Variants in PIP5K1B observed in about 807,000 individuals in gnomAD.
PIP5K1B encodes the protein phosphatidylinositol 4-phosphate 5-kinase type-1 beta.
Under a neutral mutation model 67.0 loss-of-function variants are expected in PIP5K1B, and 42 were observed. The ratio of observed to expected loss-of-function variants is 0.63; its 90% CI spans 0.49 to 0.81. The LOEUF is 0.81. PIP5K1B is among the 30% of genes least tolerant of loss of function. The pLI is 0.00. For missense variants in PIP5K1B, 459 were observed against 646.3 expected (o/e 0.71, Z 3.14); for synonymous variants, 214 against 231.4 (o/e 0.92, Z 0.68).
intron 15 of PIP5K1B, among the ~76,000 whole-genome samples, chr9:68,991,969 ATT>A (rs112540371): frequency 3.3e-5 from 5 of 150,408 alleles, no homozygotes; most frequent in Non-Finnish European, 7.4e-5. Context: ...ACAAAAAAAA[ATT>A]TTTTTTGGGG....
At chr9:68,746,122 A>G (rs1421870645) in intron 2 of PIP5K1B, among the ~76,000 whole-genome samples, 2 of 129,730 alleles carry the variant, frequency 1.5e-5, no homozygotes, top group South Asian at 4.7e-4. Flanking sequence ...TCTGTCACCC[A>G]GGCTGGAGTG....
At chr9:68,991,527 G>GT (rs2132958586) in intron 15 of PIP5K1B, among the ~76,000 whole-genome samples, 1 of 152,346 alleles carries the variant, frequency 6.6e-6, no homozygotes, top group African/African-American at 2.4e-5. Context: ...GGGCTCCTTA[G>GT]TGTTATTCCC....
intron 4 of PIP5K1B, among the ~76,000 whole-genome samples, chr9:68,832,244 C>T (rs1834363359): frequency 6.6e-6 from 1 of 152,198 alleles, no homozygotes. Context: ...GGATGAGATC[C>T]ACTTGACAGT....
chr9:68,803,923 G>T (rs1416172044), intron 2 of PIP5K1B, among the ~76,000 whole-genome samples: 1 of 152,208 alleles, frequency 6.6e-6, no homozygotes, highest in Admixed American at 6.5e-5. Flanking sequence ...AAGGTATTCA[G>T]TGTCCGTGCT....
At chr9:68,906,876 C>T (rs1471217544) in intron 8 of PIP5K1B, among the ~76,000 whole-genome samples, 2 of 152,222 alleles carry the variant, frequency 1.3e-5, no homozygotes, top group Admixed American at 6.5e-5. Context: ...AGAGATTCTC[C>T]ATCCTCTGAT....
chr9:68,999,096 C>G (rs1830709496), intron 15 of PIP5K1B, among the ~76,000 whole-genome samples: 1 of 152,152 alleles, frequency 6.6e-6, no homozygotes, highest in African/African-American at 2.4e-5. Context: ...TCCCTTGGTC[C>G]TTTGATCTGC....
At position 68,895,894 on chromosome 9, in the gene PIP5K1B, C is replaced by G. The variant is rs560881765; in HGVS notation, c.771+1256C>G. ...GAAGAATTGGGTTCTTAAAGAGATT[C>G]AGAAACTTATCCAGCATTACTTACC... On this transcript the variant is annotated intron_variant, in intron 8 of 15. Transcript: ENST00000265382. Among the ~76,000 whole-genome samples, 6 of 152,236 alleles carry G rather than the reference C, an allele frequency of 3.9e-5. No individual in the cohort carries two copies. The South Asian group carries it at 1.2e-3, about 32-fold the overall frequency.
intron 3 of PIP5K1B, among the ~76,000 whole-genome samples, chr9:68,821,125 AC>A (rs1206450379): frequency 2.6e-5 from 4 of 152,080 alleles, no homozygotes; most frequent in Admixed American, 6.6e-5. Flanking sequence ...CAAAATAATT[AC>A]AAAAAATTAG....
intron 8 of PIP5K1B, among the ~76,000 whole-genome samples, chr9:68,911,089 C>T (rs1013322372): frequency 6.6e-6 from 1 of 152,148 alleles, no homozygotes; most frequent in Admixed American, 6.6e-5. Flanking sequence ...GAATGGGAAA[C>T]TGGGCCAGGC....
At chr9:68,967,997 G>C (rs10117198) in intron 14 of PIP5K1B, among the ~76,000 whole-genome samples, 29,733 of 151,990 alleles carry the variant, frequency 0.2, 3,324 homozygotes, top group East Asian at 0.41. Context: ...GGAGTGCTGA[G>C]TGGGCAAAAA....
chr9:68,960,893 C>T (rs1011536857), intron 14 of PIP5K1B, among the ~76,000 whole-genome samples: 6 of 152,150 alleles, frequency 3.9e-5, no homozygotes, highest in African/African-American at 7.2e-5. Flanking sequence ...TTCTCATAAT[C>T]GTTGGTTGTC....
At chr9:68,989,145 T>G (rs1156330358) in intron 14 of PIP5K1B, among the ~76,000 whole-genome samples, 1 of 151,344 alleles carries the variant, frequency 6.6e-6, no homozygotes, top group African/African-American at 2.4e-5. Flanking sequence ...TTAACAAGTT[T>G]TTTTTTTAAT....
At chr9:68,716,220 G>A (rs1018750261) in intron 1 of PIP5K1B, among the ~76,000 whole-genome samples, 1 of 152,192 alleles carries the variant, frequency 6.6e-6, no homozygotes, top group Non-Finnish European at 1.5e-5. Flanking sequence ...CTGTCTTCAA[G>A]GATACAGCCA....
intron 8 of PIP5K1B, among the ~76,000 whole-genome samples, chr9:68,914,492 G>C (rs2132500203): frequency 6.6e-6 from 1 of 152,180 alleles, no homozygotes; most frequent in East Asian, 1.9e-4. Flanking sequence ...GAGGCGGGCA[G>C]ATCACGAGGT....
chr9:68,851,285 A>T (rs1170940792), intron 4 of PIP5K1B, among the ~76,000 whole-genome samples: 1 of 152,234 alleles, frequency 6.6e-6, no homozygotes, highest in Non-Finnish European at 1.5e-5. Flanking sequence ...GCTGCTTGAT[A>T]AAAAGGGAAA....
chr9:68,847,413 T>TTGTGTGTGTGTGTGTGTGTGTGTGTG (rs777818994), intron 4 of PIP5K1B, among the ~76,000 whole-genome samples: 1 of 101,616 alleles, frequency 9.8e-6, no homozygotes, highest in Non-Finnish European at 1.9e-5. Context: ...AGCAGTGGTT[T>TTGTGTGTGTGTGTGTGTGTGTGTGTG]TGTGTGTGTG....
intron 1 of PIP5K1B, among the ~76,000 whole-genome samples, chr9:68,733,137 T>G (rs1282052112): frequency 1.3e-5 from 2 of 152,074 alleles, no homozygotes; most frequent in African/African-American, 4.8e-5. Flanking sequence ...TTTTTAGAAG[T>G]CCTCTAAGAA....
At position 68,866,822 on chromosome 9, in the gene PIP5K1B, A is replaced by G. The variant is rs149544689; in HGVS notation, c.200+2855A>G. On this transcript the variant is annotated intron_variant, in intron 5 of 15. Coordinates refer to ENST00000265382, the MANE Select transcript of PIP5K1B (RefSeq NM_003558.4). ...GACAAAGGCTGGAGGTTCATGGACC[A>G]GAAGGTGTGAATCTACTCTGAAAGA... Among the ~76,000 whole-genome samples the G allele has an allele frequency of 2.0e-5, 3 of 152,338 alleles. No individual in the cohort carries two copies. In the East Asian group the frequency reaches 5.8e-4, roughly 29 times the overall value.
chr9:68,887,650 A>G (rs965666806), intron 6 of PIP5K1B, among the ~76,000 whole-genome samples: 4 of 152,222 alleles, frequency 2.6e-5, no homozygotes, highest in Admixed American at 1.3e-4. Flanking sequence ...TGAATGTACT[A>G]GAGGGGATGA....
Sources: allele counts gnomAD v4.1 joint callset (sites outside exome capture counted in the v4.1 genomes callset), GRCh38; gene constraint gnomAD v4.1.1; transcripts MANE v1.5; gene names NCBI Gene and HGNC (gene_info 2026-07-23, HGNC 2026-07-21).